GABRG3: variants seen among roughly 807,000 people sequenced by gnomAD.
The protein encoded by GABRG3 is gamma-aminobutyric acid receptor subunit gamma-3.
GABRG3 carries 25 observed loss-of-function variants against 48.8 expected under a neutral mutation model. The ratio of observed to expected loss-of-function variants is 0.51; its 90% CI spans 0.37 to 0.72. The LOEUF (loss-of-function observed/expected upper bound fraction) is 0.72. Ranked by LOEUF, GABRG3 falls within the 30% of genes least tolerant of loss-of-function variation. The pLI is 0.00. For synonymous variants in GABRG3, 227 were observed against 217.6 expected, an observed-to-expected ratio of 1.04 and a Z score of -0.38; for missense variants, 394 against 577.9, an observed-to-expected ratio of 0.68 and a Z score of 3.26.
At chr15:27,527,686 G>A (rs1595812831) in intron 8 of GABRG3, 57 bp downstream of exon 8, 14 of 1,444,972 alleles carry the variant, frequency 9.7e-6, no homozygotes, top group African/African-American at 2.8e-5. Flanking sequence ...TTTGAGATGA[G>A]TGTGTACTTA....
chr15:27,151,014 T>A (rs892535002), intron 3 of GABRG3, among the ~76,000 whole-genome samples: 3 of 152,242 alleles, frequency 2.0e-5, no homozygotes, highest in Non-Finnish European at 2.9e-5. Flanking sequence ...ATGGGTTTTT[T>A]AAAATTAAAC....
intron 3 of GABRG3, among the ~76,000 whole-genome samples, chr15:27,107,696 A>G (rs1897475389): frequency 1.3e-5 from 2 of 151,940 alleles, no homozygotes; most frequent in Admixed American, 6.6e-5. Flanking sequence ...TATGGATGGC[A>G]TTTAATCACT....
chr15:27,070,087 T>C (rs1407122069), intron 3 of GABRG3, among the ~76,000 whole-genome samples: 1 of 152,206 alleles, frequency 6.6e-6, no homozygotes, highest in African/African-American at 2.4e-5. Flanking sequence ...AAGAACAAGA[T>C]GGCTATCCAA....
At chr15:27,013,703 C>T (rs1895728665) in intron 2 of GABRG3, among the ~76,000 whole-genome samples, 1 of 152,052 alleles carries the variant, frequency 6.6e-6, no homozygotes, top group Admixed American at 6.6e-5. Flanking sequence ...ACTATGGGCT[C>T]TCTATTCTGT....
In GABRG3 at chr15:27,434,519, T is replaced by A. The variant is rs570564387; in HGVS notation, c.575-46131T>A. On this transcript the variant is annotated intron_variant, in intron 5 of 9. Coordinates refer to ENST00000615808, the MANE Select transcript of GABRG3 (RefSeq NM_033223.5). ...CATAAAATAATTCATAATAAATAAT[T>A]ATACATTATATATATAATTATCAAA... 1.2e-4 allele frequency among the ~76,000 whole-genome samples: 18 copies of A among 152,192 alleles called. No individual in the cohort carries two copies. In the East Asian group the frequency reaches 1.9e-3, roughly 16 times the overall value.
intron 5 of GABRG3, among the ~76,000 whole-genome samples, chr15:27,354,479 A>G (rs28404787): frequency 0.046 from 6,933 of 152,248 alleles, 372 homozygotes; most frequent in African/African-American, 0.12. Flanking sequence ...CCCGTCCCCA[A>G]TCTTAACAGT....
intron 5 of GABRG3, among the ~76,000 whole-genome samples, chr15:27,349,935 C>CTTTTT (rs371119700): frequency 2.1e-5 from 3 of 144,464 alleles, no homozygotes; most frequent in African/African-American, 2.6e-5. Flanking sequence ...GCCCTAAGGT[C>CTTTTT]TTTTTTTTTT....
At chr15:27,353,102 ACTGT>A (rs927788327) in intron 5 of GABRG3, among the ~76,000 whole-genome samples, 2 of 151,686 alleles carry the variant, frequency 1.3e-5, no homozygotes, top group Non-Finnish European at 2.9e-5. Context: ...TCCCTCCCTC[ACTGT>A]CTTTGTAGGG....
At chr15:27,387,155 T>C (rs1895947355) in intron 5 of GABRG3, among the ~76,000 whole-genome samples, 1 of 152,080 alleles carries the variant, frequency 6.6e-6, no homozygotes, top group African/African-American at 2.4e-5. Context: ...GTACAAACCT[T>C]ATTTGAGCAC....
Position 27,098,038 on chromosome 15 carries a change from G to C in GABRG3, c.270+71217G>C, listed in dbSNP as rs532468406. The stretch of plus-strand genomic sequence containing the variant: ...CAAAGTCCTGGGTAACACACAGAAA[G>C]AGTTAGGCCTGAATGATTTGGAGTT... On this transcript the variant is annotated intron_variant, in intron 3 of 9. Transcript: ENST00000615808. Among the ~76,000 whole-genome samples the C allele has an allele frequency of 2.0e-5, 3 of 150,926 alleles. No individual in the cohort carries two copies. In the East Asian group the frequency reaches 5.8e-4, roughly 29 times the overall value.
intron 5 of GABRG3, among the ~76,000 whole-genome samples, chr15:27,460,328 T>C (rs1337971810): frequency 6.6e-6 from 1 of 152,160 alleles, no homozygotes; most frequent in Non-Finnish European, 1.5e-5. Context: ...GGCTGAGCCA[T>C]GGTTGGTGTG....
chr15:27,176,205 A>G (rs1887740523), intron 3 of GABRG3, among the ~76,000 whole-genome samples: 2 of 152,196 alleles, frequency 1.3e-5, no homozygotes, highest in Non-Finnish European at 2.9e-5. Flanking sequence ...AGCATTTCCC[A>G]TGCTAACTTA....
At chr15:27,157,236 T>G (rs1352489575) in intron 3 of GABRG3, among the ~76,000 whole-genome samples, 2 of 152,242 alleles carry the variant, frequency 1.3e-5, no homozygotes, top group Non-Finnish European at 2.9e-5. Context: ...TTAAAAATTA[T>G]AGTTTGCAAA....
At chr15:27,294,719 G>C (rs557268526) in intron 3 of GABRG3, 7 of 152,038 alleles carry the variant, frequency 4.6e-5, no homozygotes, top group African/African-American at 1.7e-4. Flanking sequence ...GTCTTAACAC[G>C]CCCTCAGGTC....
intron 3 of GABRG3, among the ~76,000 whole-genome samples, chr15:27,160,723 A>G (rs917449325): frequency 6.6e-6 from 1 of 151,088 alleles, no homozygotes. Context: ...CTGGTCTCAC[A>G]TTGCTTCTGT....
At chr15:27,107,682 T>C (rs1196231417) in intron 3 of GABRG3, among the ~76,000 whole-genome samples, 4 of 152,026 alleles carry the variant, frequency 2.6e-5, no homozygotes, top group Non-Finnish European at 5.9e-5. Context: ...GTTGTTTTTT[T>C]CTCTATGGAT....
rs764410894 is a variant in GABRG3 at position 27,534,432 on chromosome 15, T to C, written c.*1551T>C. On this transcript the variant is annotated 3_prime_UTR_variant, in exon 10 of 10. Transcript: ENST00000615808. ...CCAATGTGAACTGCAGAAGACTGTTTTGAAACTTCTCCTCACCAATAGGCA... is the reference window on the plus strand; with the variant it reads ...CCAATGTGAACTGCAGAAGACTGTTCTGAAACTTCTCCTCACCAATAGGCA... 5.3e-5 allele frequency: 8 copies of C among 152,192 alleles called. No individual in the cohort carries two copies. The highest frequency in any genetic ancestry group is 7.3e-5 in the Non-Finnish European group (5 of 68,028). The allele number at this position is 152,192 out of a possible 1,614,324, so 9.4% of individuals were successfully genotyped here.
At position 27,454,859 on chromosome 15, in the gene GABRG3, G is replaced by A. The variant is rs991075668; in HGVS notation, c.575-25791G>A. Among the ~76,000 whole-genome samples, 16 of 152,224 alleles carry A rather than the reference G, an allele frequency of 1.1e-4. 1 individual carries two copies. Among genetic ancestry groups the A allele is most frequent in the Middle Eastern group, 6.9e-3 (2 of 290 alleles). Reference sequence around the variant, plus strand: ...TAGAAAACTGCAAGCAGTAACCCCCGCAGGAAGCAATAATGAGTTCATTCA... The same window carrying A: ...TAGAAAACTGCAAGCAGTAACCCCCACAGGAAGCAATAATGAGTTCATTCA... On this transcript the variant is annotated intron_variant, in intron 5 of 9. Coordinates refer to ENST00000615808, the MANE Select transcript of GABRG3 (RefSeq NM_033223.5).
At chr15:27,251,794 G>T (rs1317551735) in intron 3 of GABRG3, among the ~76,000 whole-genome samples, 1 of 152,168 alleles carries the variant, frequency 6.6e-6, no homozygotes, top group African/African-American at 2.4e-5. Flanking sequence ...GGCACGCAGG[G>T]TTCAGATGGA....
Sources: gnomAD v4.1 joint callset for allele counts (sites outside exome capture counted in the v4.1 genomes callset) on GRCh38, gnomAD v4.1.1 for gene constraint, MANE v1.5 for transcripts, NCBI Gene and HGNC (gene_info 2026-07-23, HGNC 2026-07-21) for gene names.